The following TCERG1 variants were observed in gnomAD, a reference collection of about 807,000 sequenced individuals.
TCERG1 encodes transcription elongation regulator 1, also known as TATA box binding protein (TBP)-associated factor, RNA polymerase II, S, 150kD.
A neutral mutation model predicts 144.7 loss-of-function variants in TCERG1; 37 were observed. The ratio of observed to expected loss-of-function variants is 0.26; its 90% confidence interval spans 0.20 to 0.34. The LOEUF is 0.34. Among genes scored for constraint, TCERG1 ranks in the 10% least tolerant of loss-of-function variants. The pLI, the probability that TCERG1 is intolerant of heterozygous loss-of-function variation, is 1.00. For missense variants in TCERG1, 1,027 were observed against 1,380.7 expected (o/e 0.74, Z 4.06); for synonymous variants, 492 against 458.2 (o/e 1.07, Z -0.94).
In TCERG1 at chr5:146,509,227, C is replaced by T; in HGVS notation, c.3128C>T (p.Thr1043Ile). The T allele has an allele frequency of 6.2e-7, 1 of 1,607,598 alleles. No homozygotes were observed. The change falls in exon 22 of 23, where the codon ACC (threonine) becomes ATC (isoleucine). Residue 1043 changes from threonine to isoleucine, a missense_variant. Physicochemically the swap from Thr to Ile is moderately conservative, Grantham distance 89. Around this residue, in one of 6 missense-constraint regions of TCERG1, gnomAD observed 133 missense variants for 283.2 expected, o/e 0.47. Coordinates refer to ENST00000679501, the MANE Select transcript of TCERG1 (RefSeq NM_001382548.1). ...GACTTCAGGACGCTTTTGAAAGAGA[C>T]CAAATTTATAACATATAGGTGTGTG... ...KADFRTLLKE[T>I]KFITYRSKKL...
Position 146,447,341 on chromosome 5 carries a change from C to A in TCERG1, c.-9C>A. 2.5e-6 allele frequency: 4 copies of A among 1,611,660 alleles called. No homozygotes were observed. The highest frequency in any genetic ancestry group is 3.4e-6 in the Non-Finnish European group (4 of 1,179,026). ...CGGGTCGGCGGGTGGATGAACGCGG[C>A]CCTCTGTAATGGCGGAGCGTGGCGG... On this transcript the variant is annotated 5_prime_UTR_variant, in exon 1 of 23. Coordinates refer to ENST00000679501, the MANE Select transcript of TCERG1 (RefSeq NM_001382548.1).
chr5:146,476,456 G>C (rs971614347), intron 9 of TCERG1, among the ~76,000 whole-genome samples: 9 of 152,124 alleles, frequency 5.9e-5, no homozygotes, highest in Non-Finnish European at 1.3e-4. Flanking sequence ...CTCTAGGAAT[G>C]TATAATCAAA....
chr5:146,472,701 TTGTGTGTG>T (rs59508893), intron 9 of TCERG1, among the ~76,000 whole-genome samples: 4 of 145,944 alleles, frequency 2.7e-5, no homozygotes, highest in Non-Finnish European at 4.5e-5. Flanking sequence ...ACCTCTCACT[TTGTGTGTG>T]TGTGTGTGTG....
chr5:146,491,151 C>CTTT (rs76132505), intron 15 of TCERG1, among the ~76,000 whole-genome samples: 2 of 143,966 alleles, frequency 1.4e-5, no homozygotes, highest in East Asian at 2.0e-4. Context: ...TTTGGGTACT[C>CTTT]TTTTTTTTTT....
In TCERG1 at chr5:146,447,374, G is replaced by A. The variant is rs752810010; in HGVS notation, c.25G>A (p.Gly9Ser). 6.2e-7 allele frequency: 1 copy of A among 1,611,674 alleles called. No individual in the cohort carries two copies. The highest frequency in any genetic ancestry group is 1.3e-5 in the African/African-American group (1 of 74,804). ...AATGGCGGAGCGTGGCGGGGACGGGGGCGAGAGTGAACGATTCAACCCGGG... is the reference window on the plus strand; with the variant it reads ...AATGGCGGAGCGTGGCGGGGACGGGAGCGAGAGTGAACGATTCAACCCGGG... MAERGGDG[G>S]ESERFNPGEL... The change falls in exon 1 of 23, where the codon GGC becomes AGC. Residue 9 changes from glycine to serine, a missense_variant. This residue lies in a region of TCERG1 where 175 missense variants were observed against 197.0 expected (regional missense o/e 0.89). Transcript: ENST00000679501.
chr5:146,461,550 T>A (rs1763330286), intron 4 of TCERG1, among the ~76,000 whole-genome samples: 1 of 152,192 alleles, frequency 6.6e-6, no homozygotes, highest in Non-Finnish European at 1.5e-5. Context: ...GACTCATGGC[T>A]GCTAATCAAA....
At chr5:146,509,875 G>C (rs1291020806) in intron 22 of TCERG1, among the ~76,000 whole-genome samples, 1 of 152,108 alleles carries the variant, frequency 6.6e-6, no homozygotes, top group Non-Finnish European at 1.5e-5. Context: ...TCATGCTCCA[G>C]CTTTTCTTCT....
rs375710735 is a variant in TCERG1 at position 146,470,594 on chromosome 5, C to T, written c.1400-42C>T. 486 of 1,517,080 alleles carry T rather than the reference C, an allele frequency of 3.2e-4. 4 individuals carry two copies. The South Asian group carries it at 3.7e-3, about 11-fold the overall frequency. 94.0% of individuals were successfully genotyped at this position (1,517,080 alleles called of 1,614,324 possible). A position where few individuals can be genotyped will look rare whatever the true frequency, so the allele number is the denominator to read the frequency against. On this transcript the variant is annotated intron_variant, in intron 7 of 22. Transcript: ENST00000679501. ...TTCTCTGAAAGTTCTTAGAAAATTA[C>T]GTCAAAACCTTTGAGTGACATTATC...
rs369631399 is a variant in TCERG1, at chr5:146,501,716, G to A, written c.2434-1659G>A. On this transcript the variant is annotated intron_variant, in intron 17 of 22. Transcript: ENST00000679501. ...TACATCAGGTGGTTTCTTAATCAGTGTCTGGAAATACTGGGTTTATGAGTA... is the reference window on the plus strand; with the variant it reads ...TACATCAGGTGGTTTCTTAATCAGTATCTGGAAATACTGGGTTTATGAGTA... 8.5e-5 allele frequency among the ~76,000 whole-genome samples: 13 copies of A among 152,248 alleles called. No individual in the cohort carries two copies. The South Asian group carries it at 1.7e-3, about 19-fold the overall frequency.
intron 9 of TCERG1, among the ~76,000 whole-genome samples, chr5:146,476,516 A>G (rs1476267946): frequency 1.3e-5 from 2 of 152,184 alleles, no homozygotes; most frequent in African/African-American, 4.8e-5. Flanking sequence ...TATAATTTCT[A>G]TATAATTATT....
chr5:146,450,948 T>A (rs886853477), intron 1 of TCERG1, among the ~76,000 whole-genome samples: 2 of 152,344 alleles, frequency 1.3e-5, no homozygotes, highest in East Asian at 1.9e-4. Context: ...TGTTCCTTAC[T>A]CATTCACATC....
intron 9 of TCERG1, among the ~76,000 whole-genome samples, chr5:146,477,260 G>A (rs574384367): frequency 6.6e-6 from 1 of 152,026 alleles, no homozygotes; most frequent in Admixed American, 6.5e-5. Flanking sequence ...GGGAGGTATA[G>A]TTATTGTTGC....
intron 15 of TCERG1, among the ~76,000 whole-genome samples, chr5:146,488,838 A>G (rs1766120767): frequency 6.6e-6 from 1 of 152,226 alleles, no homozygotes. Context: ...GTCCAACAAC[A>G]GATGACTGGA....
At chr5:146,508,040 TG>T in intron 21 of TCERG1, 84 bp downstream of exon 21, 1 of 843,548 alleles carries the variant, frequency 1.2e-6, no homozygotes, top group Non-Finnish European at 1.8e-6. Flanking sequence ...TTAACCAAAA[TG>T]AAGTTGATTG....
intron 9 of TCERG1, among the ~76,000 whole-genome samples, chr5:146,473,311 A>G (rs1253508905): frequency 1.3e-5 from 2 of 152,194 alleles, no homozygotes; most frequent in Non-Finnish European, 2.9e-5. Context: ...GTGAAGGCTG[A>G]GAGTGGTGAG....
intron 15 of TCERG1, among the ~76,000 whole-genome samples, chr5:146,490,984 G>A (rs1422277849): frequency 4.0e-5 from 6 of 151,882 alleles, no homozygotes; most frequent in Admixed American, 3.9e-4. Context: ...GCTCTGTGAG[G>A]TTGTTTAGGA....
chr5:146,480,879 C>T (rs1408361285), intron 12 of TCERG1, among the ~76,000 whole-genome samples: 2 of 151,596 alleles, frequency 1.3e-5, no homozygotes, highest in Admixed American at 6.6e-5. Context: ...AATTTATCAG[C>T]GTAACATAGC....
At chr5:146,490,776 A>G (rs984906098) in intron 15 of TCERG1, among the ~76,000 whole-genome samples, 1 of 152,080 alleles carries the variant, frequency 6.6e-6, no homozygotes, top group Non-Finnish European at 1.5e-5. Flanking sequence ...CAGAATTTGA[A>G]TTTGCCTTCA....
chr5:146,506,896 G>A (rs1033509873), intron 19 of TCERG1, 132 bp from the exon 20 acceptor site: 1 of 632,634 alleles, frequency 1.6e-6, no homozygotes, highest in Non-Finnish European at 2.5e-6. Flanking sequence ...CTTTATCCAT[G>A]TATCTGTTGA....
Sources: allele counts gnomAD v4.1 joint callset (sites outside exome capture counted in the v4.1 genomes callset), GRCh38; gene constraint gnomAD v4.1.1; regional missense constraint gnomAD v4.1.1; transcripts MANE v1.5; gene names NCBI Gene and HGNC (gene_info 2026-07-23, HGNC 2026-07-21).